PTPRO: variants seen among roughly 807,000 people sequenced by gnomAD.
PTPRO encodes the protein protein tyrosine phosphatase receptor type O.
PTPRO carries 62 observed loss-of-function variants against 145.2 expected under a neutral mutation model. The ratio of observed to expected loss-of-function variants is 0.43; its 90% CI spans 0.35 to 0.53. The LOEUF (loss-of-function observed/expected upper bound fraction) is 0.53. Ranked by LOEUF, PTPRO falls within the 20% of genes least tolerant of loss-of-function variation. The probability of loss-of-function intolerance (pLI) is 0.01; values close to 1 mark genes in which losing one functional copy is unlikely to be tolerated. For synonymous variants in PTPRO, 565 were observed against 514.7 expected (o/e 1.10, Z -1.32); for missense variants, 1,345 against 1,482.7 (o/e 0.91, Z 1.53).
At chr12:15,534,329 G>GT (rs1234092684) in intron 12 of PTPRO, among the ~76,000 whole-genome samples, 2 of 152,120 alleles carry the variant, frequency 1.3e-5, no homozygotes, top group Non-Finnish European at 2.9e-5. Context: ...AATGAGACGT[G>GT]TTGGACACAT....
chr12:15,566,270 T>A lies in PTPRO; in HGVS notation c.2747+642T>A, dbSNP rs564616938. Among the ~76,000 whole-genome samples, 4 of 152,150 alleles carry A rather than the reference T, an allele frequency of 2.6e-5. No homozygotes were observed. The South Asian group carries it at 8.3e-4, about 32-fold the overall frequency. ...AAGTGGAACTTTCCTTTATATAGAG[T>A]TTGTTCTTGATACCTGCCTGGATAG... is the stretch of plus-strand genomic sequence containing the variant. On this transcript the variant is annotated intron_variant, in intron 18 of 26. Transcript: ENST00000281171.
At chr12:15,405,390 T>G (rs1316176263) in intron 1 of PTPRO, among the ~76,000 whole-genome samples, 3 of 152,336 alleles carry the variant, frequency 2.0e-5, no homozygotes, top group African/African-American at 7.2e-5. Context: ...TTTCTGAGCT[T>G]TGGACCAAAC....
intron 1 of PTPRO, among the ~76,000 whole-genome samples, chr12:15,457,171 G>A (rs253801): frequency 0.024 from 3,692 of 152,216 alleles, 168 homozygotes; most frequent in African/African-American, 0.083. Context: ...TGCTTTGCTC[G>A]GGGCTCTTGG....
At chr12:15,568,262 T>C (rs1259496624) in intron 18 of PTPRO, among the ~76,000 whole-genome samples, 2 of 151,002 alleles carry the variant, frequency 1.3e-5, no homozygotes, top group Non-Finnish European at 1.5e-5. Flanking sequence ...AAACCAAATC[T>C]CTACTAAAAA....
intron 1 of PTPRO, among the ~76,000 whole-genome samples, chr12:15,376,202 A>T (rs996974435): frequency 3.3e-5 from 5 of 152,172 alleles, no homozygotes; most frequent in African/African-American, 1.2e-4. Context: ...GTTGTAATCA[A>T]CAAGAGAGAA....
intron 2 of PTPRO, among the ~76,000 whole-genome samples, chr12:15,496,731 C>T (rs1183621534): frequency 6.6e-6 from 1 of 152,064 alleles, no homozygotes; most frequent in Admixed American, 6.6e-5. Context: ...TTTTATACTT[C>T]ATATGGAAAA....
Position 15,412,962 on chromosome 12 carries a change from T to G in PTPRO, c.76-71012T>G, listed in dbSNP as rs144919932. 2.4e-3 allele frequency among the ~76,000 whole-genome samples: 358 copies of G among 152,168 alleles called. 3 individuals carry two copies. The highest frequency in any genetic ancestry group is 8.3e-3 in the African/African-American group (344 of 41,486). On this transcript the variant is annotated intron_variant, in intron 1 of 26. Coordinates refer to ENST00000281171, the MANE Select transcript of PTPRO (RefSeq NM_030667.3). ...GCATGCACACCATGCCCAGCTAATT[T>G]TTGTATTTTTAGTAGAGATGGGGTT...
chr12:15,459,006 GA>G (rs757528686), intron 1 of PTPRO, among the ~76,000 whole-genome samples: 5 of 152,166 alleles, frequency 3.3e-5, no homozygotes, highest in Non-Finnish European at 5.9e-5. Context: ...CCTGACCAGA[GA>G]TTCTGGGGGC....
chr12:15,402,191 C>A (rs1249606162), intron 1 of PTPRO, among the ~76,000 whole-genome samples: 1 of 152,046 alleles, frequency 6.6e-6, no homozygotes, highest in Non-Finnish European at 1.5e-5. Context: ...AGATCGAGAC[C>A]ATCTTGGTCA....
intron 1 of PTPRO, among the ~76,000 whole-genome samples, chr12:15,361,438 CAAAAA>C (rs71042244): frequency 1.4e-5 from 1 of 71,302 alleles, no homozygotes. Context: ...GACTCAGTCT[CAAAAA>C]AAAAAAAAAA....
At chr12:15,352,031 A>G (rs1937819242) in intron 1 of PTPRO, among the ~76,000 whole-genome samples, 1 of 152,140 alleles carries the variant, frequency 6.6e-6, no homozygotes, top group African/African-American at 2.4e-5. Flanking sequence ...CTCTGTTGGG[A>G]AAGAGGAAGC....
chr12:15,362,371 T>A (rs1002749046), intron 1 of PTPRO, among the ~76,000 whole-genome samples: 4 of 152,226 alleles, frequency 2.6e-5, no homozygotes, highest in Non-Finnish European at 5.9e-5. Context: ...GAGCTACATG[T>A]CAGGTTTTGT....
chr12:15,408,809 G>C (rs1427636680), intron 1 of PTPRO, among the ~76,000 whole-genome samples: 1 of 152,112 alleles, frequency 6.6e-6, no homozygotes, highest in African/African-American at 2.4e-5. Context: ...CATTTTAAAA[G>C]TGATATATAA....
intron 1 of PTPRO, among the ~76,000 whole-genome samples, chr12:15,427,860 T>C (rs1940326283): frequency 6.6e-6 from 1 of 152,132 alleles, no homozygotes; most frequent in African/African-American, 2.4e-5. Context: ...CATGGTTTCC[T>C]CTAAGACTGA....
chr12:15,376,252 G>A (rs1425255909), intron 1 of PTPRO, among the ~76,000 whole-genome samples: 1 of 152,106 alleles, frequency 6.6e-6, no homozygotes, highest in Non-Finnish European at 1.5e-5. Flanking sequence ...GAGATTAATG[G>A]CTGATTTCTC....
At chr12:15,517,989 G>T (rs966323211) in intron 9 of PTPRO, among the ~76,000 whole-genome samples, 1 of 145,260 alleles carries the variant, frequency 6.9e-6, no homozygotes, top group Non-Finnish European at 1.5e-5. Flanking sequence ...CCCCAGTAGG[G>T]ACTCTGTGTG....
chr12:15,383,320 T>G (rs80176246), intron 1 of PTPRO, among the ~76,000 whole-genome samples: 2,384 of 150,784 alleles, frequency 0.016, 67 homozygotes, highest in African/African-American at 0.056. Flanking sequence ...TAAGACCAAA[T>G]AGTATTCCAT....
At chr12:15,547,996 C>G (rs955975857) in intron 13 of PTPRO, among the ~76,000 whole-genome samples, 2 of 152,094 alleles carry the variant, frequency 1.3e-5, no homozygotes, top group Non-Finnish European at 2.9e-5. Context: ...TAAGTTAATA[C>G]TAAATGTTTC....
intron 6 of PTPRO, among the ~76,000 whole-genome samples, chr12:15,506,373 C>T (rs903321786): frequency 6.6e-5 from 10 of 152,170 alleles, no homozygotes; most frequent in African/African-American, 2.2e-4. Flanking sequence ...TGACTTCAGG[C>T]AGCTTGTTTA....
Sources: gnomAD v4.1 joint callset for allele counts (sites outside exome capture counted in the v4.1 genomes callset) on GRCh38, gnomAD v4.1.1 for gene constraint, MANE v1.5 for transcripts, NCBI Gene and HGNC (gene_info 2026-07-23, HGNC 2026-07-21) for gene names.